DGAT2: variants seen among roughly 807,000 people sequenced by gnomAD.
DGAT2 encodes diacylglycerol O-acyltransferase 2, also known as acyl-CoA retinol O-fatty-acyltransferase.
Under a neutral mutation model 48.4 loss-of-function variants are expected in DGAT2, and 33 were observed. That is an observed-to-expected ratio of 0.68 (90% CI 0.52 to 0.91). The LOEUF (loss-of-function observed/expected upper bound fraction) is 0.91, where lower values mean the gene tolerates loss of function less well. DGAT2 is among the 40% of genes least tolerant of loss of function. The pLI is 0.00. For missense variants in DGAT2, 446 were observed against 493.7 expected (o/e 0.90, Z 0.92); for synonymous variants, 191 against 194.1 (o/e 0.98, Z 0.13).
intron 5 of DGAT2, 140 bp downstream of exon 5, chr11:75,796,672 T>TGGTGGGTCAGGGCTGAGGAGGAGA: frequency 1.2e-6 from 1 of 852,300 alleles, no homozygotes; most frequent in Non-Finnish European, 1.8e-6. Context: ...GCTTCAGACA[T>TGGTGGGTCAGGGCTGAGGAGGAGA]GGTGGGTCAG....
At chr11:75,787,418 C>T (rs1944933246) in intron 2 of DGAT2, among the ~76,000 whole-genome samples, 2 of 152,242 alleles carry the variant, frequency 1.3e-5, no homozygotes, top group South Asian at 4.1e-4. Flanking sequence ...CTGCTGCCTT[C>T]CCTGCCATTG....
At chr11:75,781,611 C>T (rs932760924) in intron 1 of DGAT2, among the ~76,000 whole-genome samples, 3 of 152,242 alleles carry the variant, frequency 2.0e-5, no homozygotes, top group East Asian at 1.9e-4. Flanking sequence ...GCAGCAGTCC[C>T]GGTACAGTTG....
At chr11:75,772,041 CAGT>C (rs1168777822) in intron 1 of DGAT2, among the ~76,000 whole-genome samples, 2 of 152,188 alleles carry the variant, frequency 1.3e-5, no homozygotes, top group Non-Finnish European at 2.9e-5. Flanking sequence ...ATCCATCTCC[CAGT>C]CTGTGGCCTG....
chr11:75,778,575 C>T (rs1944826150), intron 1 of DGAT2, among the ~76,000 whole-genome samples: 1 of 152,162 alleles, frequency 6.6e-6, no homozygotes, highest in Non-Finnish European at 1.5e-5. Context: ...TGGCTCATGC[C>T]TGTAATCGCA....
intron 5 of DGAT2, chr11:75,796,885 CT>C: frequency 2.3e-6 from 1 of 442,468 alleles, no homozygotes; most frequent in Non-Finnish European, 4.0e-6. Flanking sequence ...TCCCCAACAC[CT>C]CGCACCGACT....
chr11:75,790,809 G>A, intron 4 of DGAT2, 78 bp downstream of exon 4: 1 of 1,471,140 alleles, frequency 6.8e-7, no homozygotes, highest in Admixed American at 1.7e-5. Flanking sequence ...CCACCCACAG[G>A]GAAGCAAGTT....
At position 75,797,237 on chromosome 11, in the gene DGAT2, CG is replaced by C; in HGVS notation, c.719del (p.Gly240ValfsTer6). ...GSGNAIIIVV[G>X]GAAESLSSMP... ...GTGGCAATGCTATCATCATCGTGGT[CG>C]GGGGTGCGGCTGAGTCTCTGAGCTC... On this transcript the variant is annotated frameshift_variant, in exon 6 of 8. Transcript: ENST00000228027. LOFTEE classifies it high-confidence loss of function. The C allele has an allele frequency of 2.5e-6, 4 of 1,581,692 alleles. No homozygotes were observed. The highest frequency in any genetic ancestry group is 1.4e-5 in the African/African-American group (1 of 73,342).
chr11:75,789,227 G>T (rs1262548348), intron 2 of DGAT2, among the ~76,000 whole-genome samples: 1 of 151,994 alleles, frequency 6.6e-6, no homozygotes, highest in Non-Finnish European at 1.5e-5. Flanking sequence ...ATGGCTCACT[G>T]CAGCTTCAAA....
chr11:75,784,044 G>A (rs1944895434), intron 1 of DGAT2, among the ~76,000 whole-genome samples: 1 of 152,108 alleles, frequency 6.6e-6, no homozygotes, highest in African/African-American at 2.4e-5. Context: ...TGGTAGTGGT[G>A]TGGGGAATCA....
intron 1 of DGAT2, among the ~76,000 whole-genome samples, chr11:75,769,897 T>G (rs921707595): frequency 6.6e-6 from 1 of 152,144 alleles, no homozygotes; most frequent in Non-Finnish European, 1.5e-5. Context: ...ATGAAGCCCC[T>G]CTCCCTCTTT....
At chr11:75,785,010 A>G (rs1482145375) in intron 2 of DGAT2, among the ~76,000 whole-genome samples, 1 of 152,160 alleles carries the variant, frequency 6.6e-6, no homozygotes, top group Non-Finnish European at 1.5e-5. Context: ...CTTAGAGAAG[A>G]TAGGTAACTT....
At chr11:75,792,722 C>G (rs1336247755) in intron 4 of DGAT2, 1 of 152,066 alleles carries the variant, frequency 6.6e-6, no homozygotes, top group African/African-American at 2.4e-5. Context: ...CCCACATCAC[C>G]TCTCCCCAAA....
At chr11:75,798,719 A>G (rs1245498528) in intron 7 of DGAT2, among the ~76,000 whole-genome samples, 1 of 152,176 alleles carries the variant, frequency 6.6e-6, no homozygotes, top group East Asian at 1.9e-4. Flanking sequence ...ATTGCAGCAA[A>G]GACTAGTGGG....
At chr11:75,779,843 C>G (rs150230214) in intron 1 of DGAT2, among the ~76,000 whole-genome samples, 5 of 152,220 alleles carry the variant, frequency 3.3e-5, no homozygotes, top group Non-Finnish European at 7.4e-5. Context: ...TGGGGTCAGT[C>G]CTCAGTGATG....
chr11:75,782,286 A>G (rs146057790), intron 1 of DGAT2, among the ~76,000 whole-genome samples: 9 of 152,228 alleles, frequency 5.9e-5, no homozygotes, highest in African/African-American at 2.2e-4. Flanking sequence ...TAAAATGCAG[A>G]TTTTGATTCA....
At chr11:75,796,759 C>G in intron 5 of DGAT2, 1 of 567,216 alleles carries the variant, frequency 1.8e-6, no homozygotes, top group Non-Finnish European at 3.1e-6. Context: ...CCTTCTTTGA[C>G]CCCCTTTTCT....
At chr11:75,783,103 C>A (rs189039495) in intron 1 of DGAT2, among the ~76,000 whole-genome samples, 1 of 152,334 alleles carries the variant, frequency 6.6e-6, no homozygotes, top group East Asian at 1.9e-4. Context: ...TTTGTGAGTT[C>A]ACATCCTGCC....
Position 75,769,099 on chromosome 11 carries a change from G to A in DGAT2, c.108G>A (p.Gly36=). Residue 36 remains glycine (G), a synonymous_variant, in exon 1 of 8, where the codon GGG becomes GGA. Transcript: ENST00000228027. The part of the protein sequence containing the change: ...SHGGPALSRE[G]SGRWGTGSSI... ...GAGGACCTGCGCTGTCGCGCGAGGG[G>A]TCTGGGAGATGGGGTGAGTGCCACG... is the stretch of plus-strand genomic sequence containing the variant. 1.3e-6 allele frequency: 2 copies of A among 1,568,974 alleles called. No individual in the cohort carries two copies. The highest frequency in any genetic ancestry group is 1.7e-6 in the Non-Finnish European group (2 of 1,162,874).
At chr11:75,774,513 T>A (rs760552901) in intron 1 of DGAT2, among the ~76,000 whole-genome samples, 8 of 152,184 alleles carry the variant, frequency 5.3e-5, no homozygotes, top group Non-Finnish European at 1.2e-4. Context: ...TGACCTTGGG[T>A]ATAACACTGC....
Sources: gnomAD v4.1 joint callset for allele counts (sites outside exome capture counted in the v4.1 genomes callset) on GRCh38, gnomAD v4.1.1 for gene constraint, MANE v1.5 for transcripts, NCBI Gene and HGNC (gene_info 2026-07-23, HGNC 2026-07-21) for gene names.